ARMC2: variants seen among roughly 807,000 people sequenced by gnomAD.
ARMC2 encodes armadillo repeat-containing protein 2.
ARMC2 carries 67 observed loss-of-function variants against 90.3 expected under a neutral mutation model. The observed-to-expected ratio is 0.74, with a 90% CI of 0.61 to 0.91. The LOEUF (loss-of-function observed/expected upper bound fraction) is 0.91. Among genes scored for constraint, ARMC2 ranks in the 40% least tolerant of loss-of-function variants. ARMC2 has a pLI of 0.00. For synonymous variants in ARMC2, 393 were observed against 393.0 expected (o/e 1.00, Z 0.00); for missense variants, 920 against 1,030.9 (o/e 0.89, Z 1.47).
At chr6:109,045,318 T>C in the ARMC2 span, among the ~76,000 whole-genome samples, 1 of 152,178 alleles carries the variant, frequency 6.6e-6, no homozygotes, top group Non-Finnish European at 1.5e-5. Context: ...TAGCCTCCTT[T>C]CTGTCTCAAT....
chr6:108,862,630 A>C (rs1358396045), intron 3 of ARMC2, among the ~76,000 whole-genome samples: 1 of 152,066 alleles, frequency 6.6e-6, no homozygotes, highest in East Asian at 1.9e-4. Context: ...GATAACCACT[A>C]AATTGGCAAA....
chr6:108,924,017 T>C (rs761337388), intron 10 of ARMC2: 20 of 152,030 alleles, frequency 1.3e-4, no homozygotes, highest in African/African-American at 3.6e-4. Context: ...GTCCTCTGAA[T>C]AGAAAGAGGA....
intron 2 of ARMC2, among the ~76,000 whole-genome samples, chr6:108,855,662 T>G (rs1774502727): frequency 6.6e-6 from 1 of 152,238 alleles, no homozygotes. Flanking sequence ...AGGGGCTATA[T>G]CATTTTGCCT....
At chr6:108,983,144 GT>G in the ARMC2 span, among the ~76,000 whole-genome samples, 3 of 152,074 alleles carry the variant, frequency 2.0e-5, no homozygotes, top group East Asian at 5.8e-4. Flanking sequence ...GGTTTTTTGA[GT>G]TGTAGGAATT....
the ARMC2 span, among the ~76,000 whole-genome samples, chr6:109,051,520 A>AT: frequency 6.6e-6 from 1 of 152,178 alleles, no homozygotes. Flanking sequence ...TTTGCTTACC[A>AT]TTAGAGGTCA....
chr6:108,872,670 T>C (rs1776545177), intron 4 of ARMC2, among the ~76,000 whole-genome samples: 1 of 152,014 alleles, frequency 6.6e-6, no homozygotes, highest in African/African-American at 2.4e-5. Context: ...CCATGAAAAA[T>C]GATCATTTTC....
intron 5 of ARMC2, among the ~76,000 whole-genome samples, chr6:108,881,616 C>T (rs570995520): frequency 2.6e-5 from 4 of 152,068 alleles, no homozygotes; most frequent in Non-Finnish European, 4.4e-5. Flanking sequence ...TGTAAGGACT[C>T]CATTCAAGAT....
At chr6:108,850,871 C>T (rs1272310331) in intron 1 of ARMC2, among the ~76,000 whole-genome samples, 4 of 152,166 alleles carry the variant, frequency 2.6e-5, no homozygotes, top group Non-Finnish European at 4.4e-5. Flanking sequence ...GAGACCAGCC[C>T]GGGGCCTTTT....
chr6:109,014,911 C>CTATT, the ARMC2 span, among the ~76,000 whole-genome samples: 1 of 152,130 alleles, frequency 6.6e-6, no homozygotes, highest in Non-Finnish European at 1.5e-5. Context: ...CTGATACCTC[C>CTATT]TATTTATTTA....
intron 5 of ARMC2, among the ~76,000 whole-genome samples, chr6:108,893,185 T>C (rs1275233705): frequency 6.6e-6 from 1 of 152,274 alleles, no homozygotes; most frequent in Non-Finnish European, 1.5e-5. Flanking sequence ...GTAATCCTGC[T>C]GTTGGCCAGC....
Position 108,899,342 on chromosome 6 carries a change from A to G in ARMC2, c.749-352A>G, listed in dbSNP as rs144150707. Among the ~76,000 whole-genome samples the G allele has an allele frequency of 6.6e-3, 1,005 of 152,270 alleles. 41 individuals carry two copies. The highest frequency in any genetic ancestry group is 0.06 in the Admixed American group (923 of 15,286). ...CATTTTTAAAATCCTTATTCTTTATATATCTATAGTTACCTATTCTACATT... is the reference window on the plus strand; with the variant it reads ...CATTTTTAAAATCCTTATTCTTTATGTATCTATAGTTACCTATTCTACATT... On this transcript the variant is annotated intron_variant, in intron 6 of 17. Transcript: ENST00000392644.
the ARMC2 span, among the ~76,000 whole-genome samples, chr6:109,049,266 A>G: frequency 6.6e-6 from 1 of 152,236 alleles, no homozygotes; most frequent in Admixed American, 6.5e-5. Context: ...AAGTAAAATA[A>G]GCCAGGAACA....
At chr6:109,028,012 CT>C in the ARMC2 span, among the ~76,000 whole-genome samples, 1 of 152,002 alleles carries the variant, frequency 6.6e-6, no homozygotes, top group Admixed American at 6.6e-5. Context: ...TGTGGCTTGC[CT>C]TTTCATTTTC....
In ARMC2 at chr6:108,928,492, G is replaced by A. The variant is rs116686851; in HGVS notation, c.1496+259G>A. Reference sequence around the variant, plus strand: ...AGTTCTTTGGTGAGTTGTGAGCTACGTGTGTGTGTTTAATCTTCCTCTCAG... The same window carrying A: ...AGTTCTTTGGTGAGTTGTGAGCTACATGTGTGTGTTTAATCTTCCTCTCAG... On this transcript the variant is annotated intron_variant, in intron 11 of 17. Coordinates refer to ENST00000392644, the MANE Select transcript of ARMC2 (RefSeq NM_032131.6). Among the ~76,000 whole-genome samples, 828 of 152,214 alleles carry A rather than the reference G, an allele frequency of 5.4e-3. 5 individuals carry two copies. Among genetic ancestry groups the A allele is most frequent in the African/African-American group, 0.019 (781 of 41,508 alleles).
chr6:109,050,388 T>TAA, the ARMC2 span, among the ~76,000 whole-genome samples: 5,092 of 134,046 alleles, frequency 0.038, 163 homozygotes, highest in African/African-American at 0.076. Flanking sequence ...TTTAAATTGT[T>TAA]AAAAAAAAAA....
chr6:108,998,790 A>G, the ARMC2 span: 3 of 1,580,098 alleles, frequency 1.9e-6, no homozygotes, highest in Non-Finnish European at 2.6e-6. Flanking sequence ...ATATTTTTGT[A>G]CTGGGGTGTG....
chr6:109,043,031 C>G, the ARMC2 span, among the ~76,000 whole-genome samples: 1 of 152,072 alleles, frequency 6.6e-6, no homozygotes, highest in African/African-American at 2.4e-5. Context: ...GAATGCATGG[C>G]TGGTTCAACA....
chr6:108,937,904 G>A (rs1776090210), intron 12 of ARMC2, among the ~76,000 whole-genome samples: 1 of 152,002 alleles, frequency 6.6e-6, no homozygotes. Context: ...CACCGTGTTA[G>A]CCAGGATGGT....
intron 17 of ARMC2, among the ~76,000 whole-genome samples, chr6:108,966,484 G>T (rs770513457): frequency 9.2e-5 from 14 of 152,280 alleles, no homozygotes; most frequent in Non-Finnish European, 1.6e-4. Context: ...TTTAAGTGTT[G>T]TAACACCGTG....
Sources: gnomAD v4.1 joint callset for allele counts (sites outside exome capture counted in the v4.1 genomes callset) on GRCh38, gnomAD v4.1.1 for gene constraint, MANE v1.5 for transcripts, NCBI Gene and HGNC (gene_info 2026-07-23, HGNC 2026-07-21) for gene names.